The following CTNNA2 variants were observed in gnomAD, a reference collection of about 807,000 sequenced individuals.
CTNNA2 encodes the protein catenin alpha 2.
A neutral mutation model predicts 101.0 loss-of-function variants in CTNNA2; 42 were observed. That is an observed-to-expected ratio of 0.42 (90% confidence interval 0.32 to 0.54). The LOEUF (loss-of-function observed/expected upper bound fraction) is 0.54. Among genes scored for constraint, CTNNA2 ranks in the 20% least tolerant of loss-of-function variants. CTNNA2 has a pLI of 0.14. For missense variants in CTNNA2, 871 were observed against 1,223.1 expected (o/e 0.71, Z 4.29); for synonymous variants, 450 against 456.4 (o/e 0.99, Z 0.18).
chr2:79,524,835 G>T (rs1222645200), intron 1 of CTNNA2: 1 of 150,986 alleles, frequency 6.6e-6, no homozygotes. Flanking sequence ...AGCATAGTGT[G>T]TACATGAATT....
chr2:80,067,531 C>A (rs1698066906), intron 7 of CTNNA2, among the ~76,000 whole-genome samples: 1 of 152,014 alleles, frequency 6.6e-6, no homozygotes, highest in African/African-American at 2.4e-5. Context: ...ATGTGGATTG[C>A]CGTAATGTTG....
chr2:80,020,495 A>G (rs1161170380), intron 7 of CTNNA2, among the ~76,000 whole-genome samples: 7 of 152,232 alleles, frequency 4.6e-5, no homozygotes, highest in African/African-American at 1.4e-4. Flanking sequence ...GCACCCAGAA[A>G]TGATCAGATG....
chr2:79,659,090 G>T (rs908337737), intron 2 of CTNNA2, among the ~76,000 whole-genome samples: 3 of 151,618 alleles, frequency 2.0e-5, no homozygotes, highest in African/African-American at 7.3e-5. Context: ...CATTACTTTG[G>T]TGCAATTAAA....
intron 3 of CTNNA2, among the ~76,000 whole-genome samples, chr2:79,369,183 C>G (rs1350508021): frequency 1.3e-5 from 2 of 152,142 alleles, no homozygotes; most frequent in Non-Finnish European, 2.9e-5. Flanking sequence ...CTCAGTCATC[C>G]ACTCCTCTAG....
chr2:80,370,286 G>A (rs906121362), intron 7 of CTNNA2, among the ~76,000 whole-genome samples: 2 of 152,052 alleles, frequency 1.3e-5, no homozygotes, highest in African/African-American at 2.4e-5. Flanking sequence ...TTGTGTGCGT[G>A]TGTGAATGGA....
chr2:79,842,304 CT>C (rs1212340111), intron 3 of CTNNA2, among the ~76,000 whole-genome samples: 1 of 152,092 alleles, frequency 6.6e-6, no homozygotes, highest in Non-Finnish European at 1.5e-5. Flanking sequence ...GTTTTTTAGC[CT>C]CTGGCAAAAC....
intron 1 of CTNNA2, among the ~76,000 whole-genome samples, chr2:79,638,731 C>T (rs1036728256): frequency 6.6e-6 from 1 of 152,176 alleles, no homozygotes; most frequent in Non-Finnish European, 1.5e-5. Flanking sequence ...CTTTTTAACT[C>T]ACCAGCACAT....
chr2:79,653,318 G>A (rs765298796), intron 2 of CTNNA2, among the ~76,000 whole-genome samples: 10 of 152,030 alleles, frequency 6.6e-5, no homozygotes, highest in Non-Finnish European at 1.3e-4. Context: ...TTCAGCCTTC[G>A]TGCATTTCAT....
chr2:80,308,444 C>G (rs1294745837), intron 7 of CTNNA2, among the ~76,000 whole-genome samples: 1 of 152,086 alleles, frequency 6.6e-6, no homozygotes, highest in African/African-American at 2.4e-5. Context: ...TAAAAGGAAA[C>G]CTTTAGAAGA....
At chr2:80,624,491 T>C (rs572484082) in intron 18 of CTNNA2, among the ~76,000 whole-genome samples, 2 of 152,030 alleles carry the variant, frequency 1.3e-5, no homozygotes, top group African/African-American at 4.8e-5. Context: ...GAGAGGGAGA[T>C]ACTAGAAAGG....
intron 7 of CTNNA2, among the ~76,000 whole-genome samples, chr2:80,177,270 G>C (rs1705452528): frequency 6.6e-6 from 1 of 152,154 alleles, no homozygotes; most frequent in Non-Finnish European, 1.5e-5. Context: ...GTCCATGGAT[G>C]GTAGTCTCGG....
chr2:79,239,482 T>C (rs1674596015), intron 2 of CTNNA2, among the ~76,000 whole-genome samples: 1 of 152,128 alleles, frequency 6.6e-6, no homozygotes, highest in African/African-American at 2.4e-5. Flanking sequence ...ATCATGCCAC[T>C]GCACTCCAGC....
intron 12 of CTNNA2, among the ~76,000 whole-genome samples, chr2:80,569,633 G>GTTTTTTGTTTTTTTTTT (rs1553392642): frequency 3.9e-5 from 2 of 51,718 alleles, no homozygotes; most frequent in Admixed American, 2.9e-4. Context: ...GGGTATTTAG[G>GTTTTTTGTTTTTTTTTT]TTTTTTTTTT....
intron 6 of CTNNA2, among the ~76,000 whole-genome samples, chr2:79,899,346 G>A (rs1451230292): frequency 8.6e-5 from 13 of 151,860 alleles, no homozygotes; most frequent in Admixed American, 7.2e-4. Flanking sequence ...TATCCTTGTC[G>A]GAGCTAGAGA....
At chr2:79,375,794 A>G (rs1677965579) in intron 4 of CTNNA2, among the ~76,000 whole-genome samples, 1 of 152,210 alleles carries the variant, frequency 6.6e-6, no homozygotes, top group African/African-American at 2.4e-5. Context: ...TGCCGGTGCA[A>G]AGCCTACAAT....
intron 3 of CTNNA2, among the ~76,000 whole-genome samples, chr2:79,329,057 C>T (rs1676812404): frequency 6.6e-6 from 1 of 152,158 alleles, no homozygotes; most frequent in Non-Finnish European, 1.5e-5. Context: ...TACAGCCTAC[C>T]TTAATCCAGC....
intron 18 of CTNNA2, among the ~76,000 whole-genome samples, chr2:80,642,282 A>G (rs1460345594): frequency 6.6e-6 from 1 of 152,094 alleles, no homozygotes; most frequent in Non-Finnish European, 1.5e-5. Context: ...CCCTTCTCCT[A>G]TCCCTACTTG....
At chr2:80,102,931 C>G (rs2148845805) in intron 7 of CTNNA2, among the ~76,000 whole-genome samples, 1 of 152,270 alleles carries the variant, frequency 6.6e-6, no homozygotes, top group East Asian at 1.9e-4. Context: ...GGGGGCAGAC[C>G]TAGAGCAAAT....
chr2:79,800,525 A>G (rs1676072096), intron 3 of CTNNA2, among the ~76,000 whole-genome samples: 1 of 152,196 alleles, frequency 6.6e-6, no homozygotes. Context: ...GTCAGCTCAG[A>G]TAATATTGAC....
Sources: gnomAD v4.1 joint callset for allele counts (sites outside exome capture counted in the v4.1 genomes callset) on GRCh38, gnomAD v4.1.1 for gene constraint, MANE v1.5 for transcripts, NCBI Gene and HGNC (gene_info 2026-07-23, HGNC 2026-07-21) for gene names.